Variants in KLRF2 observed in about 807,000 individuals in gnomAD.
The protein encoded by KLRF2 is killer cell lectin like receptor F2, also known as killer cell lectin-like receptor subfamily F member 2.
A neutral mutation model predicts 25.3 loss-of-function variants in KLRF2; 28 were observed. That is an observed-to-expected ratio of 1.11 (90% CI 0.82 to 1.52). The LOEUF is 1.52. Ranked by LOEUF, KLRF2 falls within the 40% of genes most tolerant of loss-of-function variation. KLRF2 has a pLI of 0.00. For synonymous variants in KLRF2, 73 were observed against 85.0 expected, an observed-to-expected ratio of 0.86 and a Z score of 0.78; for missense variants, 265 against 245.8, an observed-to-expected ratio of 1.08 and a Z score of -0.52.
At position 9,893,556 on chromosome 12, in the gene KLRF2, G is replaced by A. The variant is rs1263044450; in HGVS notation, c.479+15G>A. 12 of 1,016,512 alleles carry A rather than the reference G, an allele frequency of 1.2e-5. No homozygotes were observed. In the Admixed American group the frequency reaches 2.3e-4, roughly 20 times the overall value. 63.0% of individuals were successfully genotyped at this position (1,016,512 alleles called of 1,614,324 possible). On this transcript the variant is annotated intron_variant, in intron 5 of 5. Coordinates refer to ENST00000535540, the MANE Select transcript of KLRF2 (RefSeq NM_001190765.1). ...GTTCCAGAATTGTGAGTAGTTATTT[G>A]TAAGGGAGGGGTGCTAATGTTTATA...
intron 3 of KLRF2, among the ~76,000 whole-genome samples, chr12:9,890,441 T>C (rs1263955185): frequency 6.6e-6 from 1 of 152,130 alleles, no homozygotes; most frequent in Non-Finnish European, 1.5e-5. Context: ...TTGGCACAAT[T>C]ATTTGTGGTT....
intron 5 of KLRF2, among the ~76,000 whole-genome samples, chr12:9,894,254 T>C (rs1862728403): frequency 6.6e-6 from 1 of 151,806 alleles, no homozygotes; most frequent in South Asian, 2.1e-4. Flanking sequence ...TGATCGTGGC[T>C]TACTGCAGAT....
intron 5 of KLRF2, among the ~76,000 whole-genome samples, chr12:9,894,359 GC>G (rs1862732963): frequency 6.6e-6 from 1 of 151,518 alleles, no homozygotes; most frequent in Non-Finnish European, 1.5e-5. Context: ...TTTTTTGTAT[GC>G]TTTGTAGAGA....
At position 9,895,730 on chromosome 12, in the gene KLRF2, T is replaced by A. The variant is rs1862748837; in HGVS notation, c.521T>A (p.Val174Asp). 10 of 1,535,650 alleles carry A rather than the reference T, an allele frequency of 6.5e-6. No homozygotes were observed. The East Asian group carries it at 2.4e-4, about 38-fold the overall frequency. ...IGPTDDRSCA[V>D]ITGNWVYSED... ...CCAACTGATGACAGGAGCTGTGCCG[T>A]TATCACAGGAAACTGGGTGTATTCT... Residue 174 changes from valine to aspartate, a missense_variant, in exon 6 of 6, where the codon GTT becomes GAT. Physicochemically the swap from Val to Asp is radical, Grantham distance 152. Coordinates refer to ENST00000535540, the MANE Select transcript of KLRF2 (RefSeq NM_001190765.1).
intron 1 of KLRF2, among the ~76,000 whole-genome samples, chr12:9,881,896 G>C (rs1868098706): frequency 6.6e-6 from 1 of 152,108 alleles, no homozygotes; most frequent in South Asian, 2.1e-4. Context: ...GTAATCCTGT[G>C]TGTTGTAGCA....
chr12:9,894,518 G>A (rs1184470764), intron 5 of KLRF2, among the ~76,000 whole-genome samples: 1 of 152,020 alleles, frequency 6.6e-6, no homozygotes, highest in Non-Finnish European at 1.5e-5. Flanking sequence ...AAAGATCCAC[G>A]ATACTTTCTT....
intron 2 of KLRF2, 66 bp from the exon 3 acceptor site, chr12:9,888,667 C>T (rs775753175): frequency 8.9e-6 from 8 of 899,646 alleles, no homozygotes; most frequent in Non-Finnish European, 1.2e-5. Context: ...GTACTTTATT[C>T]TCATGTACCT....
intron 5 of KLRF2, among the ~76,000 whole-genome samples, chr12:9,894,175 C>G (rs938372546): frequency 2.1e-4 from 25 of 116,860 alleles, no homozygotes; most frequent in South Asian, 8.0e-4. Flanking sequence ...TTCTTTGTTT[C>G]TTTCTTTCTT....
At chr12:9,888,805 TG>T in intron 3 of KLRF2, 25 bp downstream of exon 3, 1 of 1,416,586 alleles carries the variant, frequency 7.1e-7, no homozygotes, top group Non-Finnish European at 9.6e-7. Context: ...GTTTGTTATG[TG>T]CTACTCTTAG....
At chr12:9,883,837 G>A (rs1868120509) in intron 1 of KLRF2, among the ~76,000 whole-genome samples, 1 of 152,116 alleles carries the variant, frequency 6.6e-6, no homozygotes, top group African/African-American at 2.4e-5. Context: ...ACCTATTGAA[G>A]TAAAGCATCC....
chr12:9,893,544 G>A lies in KLRF2; in HGVS notation c.479+3G>A. 3.8e-6 allele frequency: 5 copies of A among 1,319,058 alleles called. No individual in the cohort carries two copies. Among genetic ancestry groups the A allele is most frequent in the Non-Finnish European group, 5.2e-6 (5 of 958,188 alleles). 81.7% of individuals were successfully genotyped at this position (1,319,058 alleles called of 1,614,324 possible). A position where few individuals can be genotyped will look rare whatever the true frequency, so the allele number is the denominator to read the frequency against. On this transcript the variant is annotated splice_donor_region_variant and intron_variant, in intron 5 of 5. Coordinates refer to ENST00000535540, the MANE Select transcript of KLRF2 (RefSeq NM_001190765.1). ...GAACACTTTTTAGTTCCAGAATTGT[G>A]AGTAGTTATTTGTAAGGGAGGGGTG... is the stretch of plus-strand genomic sequence containing the variant.
chr12:9,886,216 T>C (rs894043749), intron 2 of KLRF2, among the ~76,000 whole-genome samples: 3 of 152,142 alleles, frequency 2.0e-5, no homozygotes, highest in Non-Finnish European at 2.9e-5. Context: ...TTACAATATG[T>C]GTGTTTCTAT....
chr12:9,881,664 A>G lies in KLRF2; in HGVS notation c.69A>G (p.Lys23=), dbSNP rs1452055558. ...KNRCKSKQKS[K]DFSLYPQYYC... ...GTTGTAAATCGAAGCAGAAATCTAA[A>G]GGTAGGAATACTGCTCCCCATCACC... is the stretch of plus-strand genomic sequence containing the variant. The change falls in exon 1 of 6, where the codon AAA becomes AAG. Residue 23 remains lysine (K), a splice_region_variant and synonymous_variant. Coordinates refer to ENST00000535540, the MANE Select transcript of KLRF2 (RefSeq NM_001190765.1). 17 of 1,533,012 alleles carry G rather than the reference A, an allele frequency of 1.1e-5. No homozygotes were observed. The Middle Eastern group carries it at 1.2e-3, about 105-fold the overall frequency. 95.0% of individuals were successfully genotyped at this position (1,533,012 alleles called of 1,614,324 possible). A position where few individuals can be genotyped will look rare whatever the true frequency, so the allele number is the denominator to read the frequency against.
chr12:9,884,839 C>A (rs567708739), intron 1 of KLRF2, 95 bp from the exon 2 acceptor site: 15 of 415,600 alleles, frequency 3.6e-5, no homozygotes, highest in African/African-American at 2.9e-4. Flanking sequence ...AATGACATAT[C>A]TAAAATGAAC....
intron 1 of KLRF2, 23 bp from the exon 2 acceptor site, chr12:9,884,910 GA>G (rs1868133349): frequency 1.3e-6 from 1 of 789,884 alleles, no homozygotes; most frequent in Admixed American, 3.2e-5. Flanking sequence ...ATAATCACAA[GA>G]ATTCTAAAAT....
chr12:9,894,087 TTCTTTC>T (rs1244056686), intron 5 of KLRF2, among the ~76,000 whole-genome samples: 1 of 151,618 alleles, frequency 6.6e-6, no homozygotes, highest in African/African-American at 2.4e-5. Context: ...TTCTCTCTTC[TTCTTTC>T]TCTTTCTCTC....
rs767846945 is a variant in KLRF2, at chr12:9,893,415, T to C, written c.367-14T>C. ...TAAACAAATGAATGAATAAATGCACTATTTCTTCTGCAGGAGTTCATACAG... is the reference window on the plus strand; with the variant it reads ...TAAACAAATGAATGAATAAATGCACCATTTCTTCTGCAGGAGTTCATACAG... On this transcript the variant is annotated splice_polypyrimidine_tract_variant and intron_variant, in intron 4 of 5. Coordinates refer to ENST00000535540, the MANE Select transcript of KLRF2 (RefSeq NM_001190765.1). 2 of 1,191,598 alleles carry C rather than the reference T, an allele frequency of 1.7e-6. No individual in the cohort carries two copies. The highest frequency in any genetic ancestry group is 5.1e-5 in the East Asian group (2 of 39,312). The allele number at this position is 1,191,598 out of a possible 1,614,324, so 73.8% of individuals were successfully genotyped here.
At chr12:9,886,619 A>G (rs1163344231) in intron 2 of KLRF2, among the ~76,000 whole-genome samples, 4 of 152,146 alleles carry the variant, frequency 2.6e-5, no homozygotes, top group African/African-American at 9.7e-5. Flanking sequence ...GCTTATTACC[A>G]ATTAAATTTA....
At chr12:9,892,288 G>T (rs1027421676) in intron 3 of KLRF2, among the ~76,000 whole-genome samples, 1 of 152,174 alleles carries the variant, frequency 6.6e-6, no homozygotes, top group African/African-American at 2.4e-5. Flanking sequence ...AAGCACAGGA[G>T]AATAAGTACC....
Sources: gnomAD v4.1 joint callset for allele counts (sites outside exome capture counted in the v4.1 genomes callset) on GRCh38, gnomAD v4.1.1 for gene constraint, MANE v1.5 for transcripts, NCBI Gene and HGNC (gene_info 2026-07-23, HGNC 2026-07-21) for gene names.